The following MACROD2 variants were observed in gnomAD, a reference collection of about 807,000 sequenced individuals.
The protein encoded by MACROD2 is ADP-ribose glycohydrolase MACROD2.
A neutral mutation model predicts 70.4 loss-of-function variants in MACROD2; 36 were observed. The ratio of observed to expected loss-of-function variants is 0.51; its 90% CI spans 0.39 to 0.68. The LOEUF is 0.68. Ranked by LOEUF, MACROD2 falls within the 30% of genes least tolerant of loss-of-function variation. The probability of loss-of-function intolerance (pLI) is 0.00; values close to 1 mark genes in which losing one functional copy is unlikely to be tolerated. For synonymous variants in MACROD2, 172 were observed against 178.8 expected (o/e 0.96, Z 0.30); for missense variants, 496 against 538.4 (o/e 0.92, Z 0.78).
In MACROD2 at chr20:14,679,449, G is replaced by A. The variant is rs73612373; in HGVS notation, c.302-5394G>A. 2.7e-3 allele frequency among the ~76,000 whole-genome samples: 408 copies of A among 152,204 alleles called. 7 individuals are homozygous for A. The East Asian group carries it at 0.034, about 13-fold the overall frequency. Reference sequence around the variant, plus strand: ...TGTAGGAGGATATGAGAGTTGGGAGGATAAGTTGGAACAACATTTATGAAG... The same window carrying A: ...TGTAGGAGGATATGAGAGTTGGGAGAATAAGTTGGAACAACATTTATGAAG... On this transcript the variant is annotated intron_variant, in intron 4 of 17. Coordinates refer to ENST00000684519, the MANE Select transcript of MACROD2 (RefSeq NM_001351661.2).
intron 3 of MACROD2, among the ~76,000 whole-genome samples, chr20:14,171,865 A>G (rs981288854): frequency 6.6e-6 from 1 of 152,186 alleles, no homozygotes; most frequent in Non-Finnish European, 1.5e-5. Context: ...GTTCTAAGGT[A>G]TAGATTAAAT....
At chr20:14,360,629 G>T (rs548965812) in intron 3 of MACROD2, among the ~76,000 whole-genome samples, 65 of 152,300 alleles carry the variant, frequency 4.3e-4, no homozygotes, top group African/African-American at 1.5e-3. Flanking sequence ...TTGCTAGGTT[G>T]TTGGAGAGAG....
At chr20:14,740,102 G>A (rs2071715416) in intron 5 of MACROD2, among the ~76,000 whole-genome samples, 1 of 152,068 alleles carries the variant, frequency 6.6e-6, no homozygotes. Flanking sequence ...ATTCTTTAAA[G>A]TTCTTCAAAT....
intron 9 of MACROD2, among the ~76,000 whole-genome samples, chr20:15,868,631 G>GTTTTTTT (rs2064528606): frequency 7.5e-6 from 1 of 133,354 alleles, no homozygotes. Flanking sequence ...TTAGTTTGGT[G>GTTTTTTT]ACCATTGGTT....
At position 14,876,926 on chromosome 20, in the gene MACROD2, G is replaced by T. The variant is rs1275712066; in HGVS notation, c.418+191967G>T. Among the ~76,000 whole-genome samples the T allele has an allele frequency of 2.6e-5, 4 of 152,104 alleles. No homozygotes were observed. The South Asian group carries it at 6.2e-4, about 24-fold the overall frequency. On this transcript the variant is annotated intron_variant, in intron 5 of 17. Coordinates refer to ENST00000684519, the MANE Select transcript of MACROD2 (RefSeq NM_001351661.2). ...CCTCTGACTTTGTTCTTTTTGCTTA[G>T]GATTGCTTTGGCTATTCAGGCTCCT...
intron 5 of MACROD2, among the ~76,000 whole-genome samples, chr20:15,048,824 T>G (rs972238761): frequency 1.3e-5 from 2 of 152,180 alleles, no homozygotes; most frequent in African/African-American, 4.8e-5. Flanking sequence ...ATTATAGATG[T>G]GCCTACTGTT....
At chr20:15,824,994 A>G (rs1180937884) in intron 8 of MACROD2, among the ~76,000 whole-genome samples, 1 of 152,164 alleles carries the variant, frequency 6.6e-6, no homozygotes, top group African/African-American at 2.4e-5. Context: ...TAAATTTATG[A>G]GTTGGAAGTG....
intron 12 of MACROD2, among the ~76,000 whole-genome samples, chr20:15,938,755 G>A (rs1378517313): frequency 6.6e-6 from 1 of 152,106 alleles, no homozygotes; most frequent in African/African-American, 2.4e-5. Flanking sequence ...TAATGAGGAA[G>A]GTAGGTATGT....
chr20:15,304,773 T>C (rs1397726137), intron 6 of MACROD2, among the ~76,000 whole-genome samples: 1 of 152,138 alleles, frequency 6.6e-6, no homozygotes, highest in African/African-American at 2.4e-5. Flanking sequence ...CGGGTCTAGC[T>C]TAGATTGTGA....
chr20:15,545,043 C>T (rs1465711155), intron 8 of MACROD2, among the ~76,000 whole-genome samples: 1 of 152,200 alleles, frequency 6.6e-6, no homozygotes, highest in Non-Finnish European at 1.5e-5. Flanking sequence ...TTATACTCTG[C>T]TTTCAAGTAA....
chr20:15,766,942 A>C (rs2051537525), intron 8 of MACROD2, among the ~76,000 whole-genome samples: 1 of 152,154 alleles, frequency 6.6e-6, no homozygotes, highest in Non-Finnish European at 1.5e-5. Context: ...GCCCCCTTGC[A>C]CAACACTTTT....
At chr20:14,922,344 A>G (rs2074173862) in intron 5 of MACROD2, among the ~76,000 whole-genome samples, 2 of 152,162 alleles carry the variant, frequency 1.3e-5, no homozygotes. Context: ...TAAGGTGATT[A>G]GAATGCAACG....
intron 8 of MACROD2, among the ~76,000 whole-genome samples, chr20:15,660,772 C>T (rs1158985107): frequency 6.6e-6 from 1 of 152,178 alleles, no homozygotes; most frequent in Non-Finnish European, 1.5e-5. Flanking sequence ...GATTTCTTTT[C>T]CTACAACTCC....
intron 10 of MACROD2, among the ~76,000 whole-genome samples, chr20:15,888,857 C>T (rs141688521): frequency 1.3e-5 from 2 of 152,256 alleles, no homozygotes; most frequent in Non-Finnish European, 2.9e-5. Flanking sequence ...TGCATGCTGG[C>T]TTCATTCAGA....
Position 15,077,989 on chromosome 20 carries a change from T to C in MACROD2, c.419-151951T>C, listed in dbSNP as rs140415515. Among the ~76,000 whole-genome samples the C allele has an allele frequency of 7.0e-3, 1,063 of 152,186 alleles. 6 individuals carry two copies. The highest frequency in any genetic ancestry group is 0.011 in the Non-Finnish European group (768 of 67,988). ...GGACTCAATGCGGGGAAAGGGCCAC[T>C]GGAAAAGGAGCTACCCAAGCCATTA... On this transcript the variant is annotated intron_variant, in intron 5 of 17. Transcript: ENST00000684519.
At chr20:15,286,923 G>A (rs1476840240) in intron 6 of MACROD2, among the ~76,000 whole-genome samples, 1 of 151,964 alleles carries the variant, frequency 6.6e-6, no homozygotes, top group Non-Finnish European at 1.5e-5. Flanking sequence ...AGAGAAGAGA[G>A]AACTAGAGTG....
At chr20:14,648,075 C>T (rs574961842) in intron 4 of MACROD2, among the ~76,000 whole-genome samples, 20 of 152,188 alleles carry the variant, frequency 1.3e-4, no homozygotes, top group African/African-American at 3.6e-4. Flanking sequence ...TGCCTAAATA[C>T]GGATGGTGGG....
At position 14,324,266 on chromosome 20, in the gene MACROD2, T is replaced by C. The variant is rs1434755584; in HGVS notation, c.272-169213T>C. The C allele has an allele frequency of 2.8e-5, 4 of 142,094 alleles. No homozygotes were observed. The East Asian group carries it at 8.3e-4, about 29-fold the overall frequency. 8.8% of individuals were successfully genotyped at this position (142,094 alleles called of 1,614,324 possible). A position where few individuals can be genotyped will look rare whatever the true frequency, so the allele number is the denominator to read the frequency against. ...CACATACAAGACTGGCCAAAGGGCG[T>C]ACAATGCACTTTGGTTTTTTGTTGA... On this transcript the variant is annotated intron_variant, in intron 3 of 17. Coordinates refer to ENST00000684519, the MANE Select transcript of MACROD2 (RefSeq NM_001351661.2).
At chr20:14,082,118 G>C (rs899843497) in intron 2 of MACROD2, among the ~76,000 whole-genome samples, 1 of 150,520 alleles carries the variant, frequency 6.6e-6, no homozygotes, top group African/African-American at 2.4e-5. Context: ...TGAAACAACT[G>C]AACGGTGGTA....
Sources: allele counts gnomAD v4.1 joint callset (sites outside exome capture counted in the v4.1 genomes callset), GRCh38; gene constraint gnomAD v4.1.1; transcripts MANE v1.5; gene names NCBI Gene and HGNC (gene_info 2026-07-23, HGNC 2026-07-21).